CHD7: variants seen among roughly 807,000 people sequenced by gnomAD.
CHD7 encodes the protein chromodomain helicase DNA binding protein 7.
A neutral mutation model predicts 307.3 loss-of-function variants in CHD7; 24 were observed. The ratio of observed to expected loss-of-function variants is 0.08; its 90% CI spans 0.06 to 0.11. CHD7 has a LOEUF of 0.11. CHD7 is among the 10% of genes least tolerant of loss of function. The probability of loss-of-function intolerance (pLI) is 1.00; values close to 1 mark genes in which losing one functional copy is unlikely to be tolerated. For missense variants in CHD7, 3,106 were observed against 3,727.1 expected (o/e 0.83, Z 4.34); for synonymous variants, 1,363 against 1,349.9 (o/e 1.01, Z -0.21).
chr8:60,752,311 CTG>C (rs1354960035), intron 2 of CHD7, among the ~76,000 whole-genome samples: 2 of 152,118 alleles, frequency 1.3e-5, no homozygotes, highest in African/African-American at 2.4e-5. Flanking sequence ...TGCTGGGAGA[CTG>C]TGTGGAGGGT....
rs1231408982 is a variant in CHD7 at position 60,678,779 on chromosome 8, GGCGGCGGCGGCA to G, written c.-466_-455del. ...GTGCTGGGGCCGCGGCGGCGGCGGC[GGCGGCGGCGGCA>G]GCGGCGGCGGCGGCGGCGGCGCGGG... On this transcript the variant is annotated 5_prime_UTR_variant, in exon 1 of 38. Coordinates refer to ENST00000423902, the MANE Select transcript of CHD7 (RefSeq NM_017780.4). 155 of 142,176 alleles carry G rather than the reference GGCGGCGGCGGCA, an allele frequency of 1.1e-3. 3 individuals carry two copies. The highest frequency in any genetic ancestry group is 2.2e-3 in the African/African-American group (85 of 39,220). The allele number at this position is 142,176 out of a possible 1,614,324, so 8.8% of individuals were successfully genotyped here.
At chr8:60,801,946 C>T (rs1326508817) in intron 6 of CHD7, among the ~76,000 whole-genome samples, 1 of 152,086 alleles carries the variant, frequency 6.6e-6, no homozygotes, top group Admixed American at 6.6e-5. Context: ...GGAAGGTTCC[C>T]CCCTCTTTCA....
At chr8:60,761,157 C>A (rs1465883927) in intron 2 of CHD7, among the ~76,000 whole-genome samples, 1 of 151,744 alleles carries the variant, frequency 6.6e-6, no homozygotes, top group East Asian at 1.9e-4. Flanking sequence ...GAATACTATG[C>A]AGCCATAAAA....
In CHD7 at chr8:60,781,441, G is replaced by T; in HGVS notation, c.2096+11G>T. 1 of 1,511,476 alleles carries T rather than the reference G, an allele frequency of 6.6e-7. No homozygotes were observed. The highest frequency in any genetic ancestry group is 8.8e-7 in the Non-Finnish European group (1 of 1,137,844). The allele number at this position is 1,511,476 out of a possible 1,614,324, so 93.6% of individuals were successfully genotyped here. A position where few individuals can be genotyped will look rare whatever the true frequency, so the allele number is the denominator to read the frequency against. ...CAGCAAAAAGTCAAGGTAGGCTGTG[G>T]GCAGAAAAAACAACTGCAAAACATT... On this transcript the variant is annotated intron_variant, in intron 3 of 37. Coordinates refer to ENST00000423902, the MANE Select transcript of CHD7 (RefSeq NM_017780.4).
chr8:60,796,333 T>A lies in CHD7; in HGVS notation c.2238+1206T>A, dbSNP rs7000957. On this transcript the variant is annotated intron_variant, in intron 4 of 37. Transcript: ENST00000423902. ...TGCGTAGGCTGTTTTACAACTAAAG[T>A]GTTTTATTGATTTTTGTTTTTTTAC... Among the ~76,000 whole-genome samples, 405 of 152,254 alleles carry A rather than the reference T, an allele frequency of 2.7e-3. 2 individuals are homozygous for A. Among genetic ancestry groups the A allele is most frequent in the Non-Finnish European group, 4.4e-3 (302 of 68,000 alleles).
intron 1 of CHD7, among the ~76,000 whole-genome samples, chr8:60,681,234 A>G (rs1805610297): frequency 6.6e-6 from 1 of 152,228 alleles, no homozygotes; most frequent in Non-Finnish European, 1.5e-5. Flanking sequence ...ATGTCTAAGT[A>G]CAAGGTAATT....
intron 1 of CHD7, among the ~76,000 whole-genome samples, chr8:60,690,541 T>G (rs1159325366): frequency 6.6e-6 from 1 of 152,194 alleles, no homozygotes; most frequent in Admixed American, 6.5e-5. Context: ...ATAGGGAACT[T>G]TGTGGCTACT....
Position 60,836,241 on chromosome 8 carries a change from T to G in CHD7, c.3947T>G (p.Val1316Gly), listed in dbSNP as rs1172820901. Residue 1316 changes from valine to glycine, a missense_variant, in exon 16 of 38, where the codon GTG (valine) becomes GGG (glycine). This residue lies in a region of CHD7 where 232 missense variants were observed against 422.5 expected (regional missense o/e 0.55). Coordinates refer to ENST00000423902, the MANE Select transcript of CHD7 (RefSeq NM_017780.4). ...AGGGTGCTTATCTTTTCCCAGATGG[T>G]GCGCTGCTTGGACATACTGGAAGAC... Reference protein sequence around the residue: ...GHRVLIFSQMVRCLDILEDYL... With the variant: ...GHRVLIFSQMGRCLDILEDYL... 1 of 1,613,872 alleles carries G rather than the reference T, an allele frequency of 6.2e-7. No individual in the cohort carries two copies. The highest frequency in any genetic ancestry group is 8.5e-7 in the Non-Finnish European group (1 of 1,179,946).
rs147955108 is a variant in CHD7, at chr8:60,814,698, C to T, written c.2499-1689C>T. ...CTGGCCTCAGGTGATCTGCCTGCCT[C>T]GTATAATATGTGTTTCTGATTATGA... is the stretch of plus-strand genomic sequence containing the variant. On this transcript the variant is annotated intron_variant, in intron 7 of 37. Transcript: ENST00000423902. Among the ~76,000 whole-genome samples, 330 of 152,152 alleles carry T rather than the reference C, an allele frequency of 2.2e-3. 1 individual carries two copies. The highest frequency in any genetic ancestry group is 3.8e-3 in the Non-Finnish European group (257 of 68,006).
intron 34 of CHD7, among the ~76,000 whole-genome samples, chr8:60,857,491 A>T (rs570758071): frequency 6.6e-6 from 1 of 152,374 alleles, no homozygotes; most frequent in South Asian, 2.1e-4. Flanking sequence ...TCTCACCCAA[A>T]AATGTGGTGC....
Position 60,865,299 on chromosome 8 carries a change from G to A in CHD7, c.8360G>A (p.Gly2787Asp). 6.2e-7 allele frequency: 1 copy of A among 1,610,648 alleles called. No individual in the cohort carries two copies. Among genetic ancestry groups the A allele is most frequent in the Non-Finnish European group, 8.5e-7 (1 of 1,178,630 alleles). The change falls in exon 38 of 38, where the codon GGC becomes GAC. Residue 2787 changes from glycine to aspartate, a missense_variant. Gly to Asp is a moderately conservative substitution (Grantham distance 94, BLOSUM62 -1). Around this residue, in one of 10 missense-constraint regions of CHD7, gnomAD observed 351 missense variants for 366.2 expected, o/e 0.96. Coordinates refer to ENST00000423902, the MANE Select transcript of CHD7 (RefSeq NM_017780.4). The surrounding 1 kb of genome is among the most constrained non-coding windows in gnomAD (Gnocchi z 4.3). ...PGLATAATAGGDAKNPAAVLP... is the reference protein window; with the variant it reads ...PGLATAATAGDDAKNPAAVLP... The stretch of plus-strand genomic sequence containing the variant: ...CTGGCAACAGCTGCCACCGCCGGAG[G>A]CGATGCGAAGAACCCTGCTGCTGTG...
intron 1 of CHD7, among the ~76,000 whole-genome samples, chr8:60,727,074 GCTC>G (rs1413937062): frequency 6.6e-6 from 1 of 152,050 alleles, no homozygotes; most frequent in Non-Finnish European, 1.5e-5. Context: ...ATGTACTTAT[GCTC>G]CTAATAGCTC....
At chr8:60,798,294 T>C (rs1812124559) in intron 4 of CHD7, among the ~76,000 whole-genome samples, 1 of 152,206 alleles carries the variant, frequency 6.6e-6, no homozygotes, top group South Asian at 2.1e-4. Context: ...CTGGCCCATG[T>C]CACTACTCCC....
intron 1 of CHD7, among the ~76,000 whole-genome samples, chr8:60,706,768 A>T (rs1183630251): frequency 6.6e-6 from 1 of 152,150 alleles, no homozygotes; most frequent in East Asian, 1.9e-4. Flanking sequence ...CATATATGAA[A>T]AAAGGAAGTT....
chr8:60,717,498 C>G (rs180934649), intron 1 of CHD7, among the ~76,000 whole-genome samples: 22 of 152,316 alleles, frequency 1.4e-4, no homozygotes, highest in Middle Eastern at 3.4e-3. Context: ...AGTTTCTTTA[C>G]TGTTACTTTC....
chr8:60,716,499 C>A (rs1807607270), intron 1 of CHD7, among the ~76,000 whole-genome samples: 1 of 152,204 alleles, frequency 6.6e-6, no homozygotes, highest in Non-Finnish European at 1.5e-5. Context: ...CAGACACTGT[C>A]AGGGCCTCGT....
chr8:60,841,513 C>A (rs1388040561), intron 19 of CHD7, 131 bp from the exon 20 acceptor site: 2 of 703,146 alleles, frequency 2.8e-6, no homozygotes, highest in Non-Finnish European at 2.5e-6. Flanking sequence ...TCATTCTAGT[C>A]CCATCTACTG....
intron 1 of CHD7, among the ~76,000 whole-genome samples, chr8:60,713,543 A>AT (rs112620012): frequency 9.2e-5 from 14 of 152,280 alleles, no homozygotes; most frequent in Middle Eastern, 3.4e-3. Context: ...TTCAATACTG[A>AT]TTTTAATTTG....
At chr8:60,713,771 C>T (rs1434328473) in intron 1 of CHD7, among the ~76,000 whole-genome samples, 1 of 152,078 alleles carries the variant, frequency 6.6e-6, no homozygotes, top group Non-Finnish European at 1.5e-5. Flanking sequence ...GAAAACGCAT[C>T]CCACTGGGAT....
Sources: gnomAD v4.1 joint callset for allele counts (sites outside exome capture counted in the v4.1 genomes callset) on GRCh38, gnomAD v4.1.1 for gene constraint, gnomAD v4.1.1 regional missense constraint, Gnocchi (gnomAD v3.1) non-coding constraint, MANE v1.5 for transcripts, NCBI Gene and HGNC (gene_info 2026-07-23, HGNC 2026-07-21) for gene names.